The following ELAVL4 variants were observed in gnomAD, a reference collection of about 807,000 sequenced individuals.
ELAVL4 encodes ELAV-like protein 4.
ELAVL4 carries 1 observed loss-of-function variant against 35.6 expected under a neutral mutation model. The ratio of observed to expected loss-of-function variants is 0.03; its 90% CI spans 0.01 to 0.13. The LOEUF is 0.13. Among genes scored for constraint, ELAVL4 ranks in the 10% least tolerant of loss-of-function variants. ELAVL4 has a pLI of 1.00. For synonymous variants in ELAVL4, 156 were observed against 171.0 expected (o/e 0.91, Z 0.69); for missense variants, 267 against 464.9 (o/e 0.57, Z 3.91).
At chr1:50,098,736 G>C (rs1297962343) in intron 1 of ELAVL4, among the ~76,000 whole-genome samples, 2 of 152,198 alleles carry the variant, frequency 1.3e-5, no homozygotes, top group Admixed American at 6.5e-5. Context: ...TCAGAGAGGG[G>C]AAGAACTAAA....
chr1:50,164,532 C>T (rs1677390958), intron 2 of ELAVL4, among the ~76,000 whole-genome samples: 1 of 152,190 alleles, frequency 6.6e-6, no homozygotes, highest in Admixed American at 6.5e-5. Context: ...AGGTCAGGCA[C>T]AGTGGCACAT....
intron 2 of ELAVL4, among the ~76,000 whole-genome samples, chr1:50,158,128 G>T (rs1238065203): frequency 6.6e-6 from 1 of 152,156 alleles, no homozygotes; most frequent in Non-Finnish European, 1.5e-5. Context: ...TAGGATTATT[G>T]TGAACATTAA....
At chr1:50,062,279 G>T (rs1179987349) in intron 1 of ELAVL4, among the ~76,000 whole-genome samples, 1 of 152,136 alleles carries the variant, frequency 6.6e-6, no homozygotes, top group African/African-American at 2.4e-5. Context: ...TGAGATATGT[G>T]CAGGGTGCCC....
chr1:50,125,428 G>A (rs1395646790), intron 1 of ELAVL4, among the ~76,000 whole-genome samples: 2 of 151,850 alleles, frequency 1.3e-5, no homozygotes, highest in South Asian at 2.1e-4. Flanking sequence ...AGCTGGAACC[G>A]TCAATGCCCT....
intron 1 of ELAVL4, among the ~76,000 whole-genome samples, chr1:50,091,570 C>T (rs1665496442): frequency 6.6e-6 from 1 of 152,160 alleles, no homozygotes; most frequent in African/African-American, 2.4e-5. Context: ...AGAAGAAACT[C>T]ACCCCCAAAG....
chr1:50,136,615 G>A (rs1388670647), intron 1 of ELAVL4, among the ~76,000 whole-genome samples: 1 of 152,018 alleles, frequency 6.6e-6, no homozygotes, highest in Non-Finnish European at 1.5e-5. Context: ...TAAAATACAT[G>A]CATGAGTCTC....
rs1572096643 is a variant in ELAVL4 at position 50,054,614 on chromosome 1, T to A, written c.18+6432T>A. Reference sequence around the variant, plus strand: ...GGATAGACCTTATAATTATTATATTTGTGTATTTTGTTTACAGTTTACAAA... The same window carrying A: ...GGATAGACCTTATAATTATTATATTAGTGTATTTTGTTTACAGTTTACAAA... On this transcript the variant is annotated intron_variant, in intron 1 of 6. Coordinates refer to the ELAVL4 transcript ENST00000448907. Among the ~76,000 whole-genome samples, 3 of 152,322 alleles carry A rather than the reference T, an allele frequency of 2.0e-5. No individual in the cohort carries two copies. In the East Asian group the frequency reaches 5.8e-4, roughly 29 times the overall value.
Position 50,177,180 on chromosome 1 carries a change from C to A in ELAVL4, c.342C>A (p.Thr114=), listed in dbSNP as rs748806408. Residue 114 remains threonine (T), a synonymous_variant, in exon 3 of 7, where the codon ACC becomes ACA. Coordinates refer to ENST00000371824, the MANE Select transcript of ELAVL4 (RefSeq NM_001144774.3). ...INTLNGLRLQ[T]KTIKVSYARP... ...CTTTAAATGGACTCAGACTCCAGAC[C>A]AAAACCATAAAGGTAAGAGGTGATG... is the stretch of plus-strand genomic sequence containing the variant. 6.2e-7 allele frequency: 1 copy of A among 1,613,478 alleles called. No individual in the cohort carries two copies. The highest frequency in any genetic ancestry group is 1.1e-5 in the South Asian group (1 of 91,020).
chr1:50,124,145 C>G (rs1669498291), intron 1 of ELAVL4, among the ~76,000 whole-genome samples: 1 of 152,064 alleles, frequency 6.6e-6, no homozygotes. Flanking sequence ...GGTTTTGACA[C>G]AGCTATTGCT....
intron 1 of ELAVL4, among the ~76,000 whole-genome samples, chr1:50,078,609 A>G (rs1425269644): frequency 1.3e-5 from 2 of 152,172 alleles, no homozygotes; most frequent in Non-Finnish European, 2.9e-5. Flanking sequence ...GATGGTCTCA[A>G]GGTTCCTAGG....
chr1:50,170,892 G>T (rs1423462502), intron 2 of ELAVL4, among the ~76,000 whole-genome samples: 1 of 152,090 alleles, frequency 6.6e-6, no homozygotes, highest in Admixed American at 6.6e-5. Flanking sequence ...ATTTAGCCAG[G>T]TGTGGTGGCA....
chr1:50,114,210 G>A (rs1299553343), intron 1 of ELAVL4, among the ~76,000 whole-genome samples: 2 of 152,056 alleles, frequency 1.3e-5, no homozygotes, highest in Non-Finnish European at 2.9e-5. Flanking sequence ...ATGTGTGTAT[G>A]TGAGTGTATA....
At chr1:50,088,765 T>C (rs945564884) in intron 1 of ELAVL4, among the ~76,000 whole-genome samples, 2 of 152,086 alleles carry the variant, frequency 1.3e-5, no homozygotes, top group Admixed American at 1.3e-4. Context: ...CTCGGTGCAC[T>C]AGAAGCCAGG....
chr1:50,196,651 C>T (rs556321232), intron 5 of ELAVL4, among the ~76,000 whole-genome samples: 148 of 152,302 alleles, frequency 9.7e-4, no homozygotes, highest in South Asian at 2.9e-3. Flanking sequence ...CATCCTCTTT[C>T]GTGTCCTCCT....
intron 1 of ELAVL4, among the ~76,000 whole-genome samples, chr1:50,048,453 GC>G (rs1663185246): frequency 6.6e-6 from 1 of 152,120 alleles, no homozygotes; most frequent in African/African-American, 2.4e-5. Context: ...AGACTTCCCG[GC>G]CCCAGGGGAG....
At chr1:50,156,574 C>A (rs575920661) in intron 2 of ELAVL4, among the ~76,000 whole-genome samples, 27 of 152,240 alleles carry the variant, frequency 1.8e-4, no homozygotes, top group Non-Finnish European at 3.4e-4. Flanking sequence ...TGGAAACTTA[C>A]GTTTACTAAG....
rs1288279762 is a variant in ELAVL4 at position 50,133,594 on chromosome 1, GAAAGA to G, written c.10-11355_10-11351del. ...AGAAAGAGAGAGAGAAAGAAAGAAA[GAAAGA>G]AAAGAAAGAAAGAAAGAAAGAAAGA... On this transcript the variant is annotated intron_variant, in intron 1 of 6. Transcript: ENST00000371824. Among the ~76,000 whole-genome samples, 215 of 111,932 alleles carry G rather than the reference GAAAGA, an allele frequency of 1.9e-3. 1 individual carries two copies. The highest frequency in any genetic ancestry group is 2.9e-3 in the Non-Finnish European group (159 of 53,960). 73.4% of individuals were successfully genotyped at this position (111,932 alleles called of 152,430 possible).
intron 6 of ELAVL4, among the ~76,000 whole-genome samples, chr1:50,198,976 A>G (rs1271538506): frequency 2.0e-5 from 3 of 152,250 alleles, no homozygotes; most frequent in African/African-American, 7.2e-5. Context: ...ATAAACAGAA[A>G]GAGGTCAGTT....
upstream of ELAVL4, among the ~76,000 whole-genome samples, chr1:50,102,947 A>G (rs1213010442): frequency 1.3e-5 from 2 of 152,192 alleles, no homozygotes; most frequent in Admixed American, 1.3e-4. Flanking sequence ...TTTTGTAAGT[A>G]AGATAGTTTT....
Sources: gnomAD v4.1 joint callset for allele counts (sites outside exome capture counted in the v4.1 genomes callset) on GRCh38, gnomAD v4.1.1 for gene constraint, MANE v1.5 for transcripts, NCBI Gene and HGNC (gene_info 2026-07-23, HGNC 2026-07-21) for gene names.